The following SUSD4 variants were observed in gnomAD, a reference collection of about 807,000 sequenced individuals.
The protein encoded by SUSD4 is sushi domain-containing protein 4.
In SUSD4, 41 loss-of-function variants were observed where a neutral mutation model predicts 50.5. The ratio of observed to expected loss-of-function variants is 0.81; its 90% confidence interval spans 0.63 to 1.05. The LOEUF is 1.05. SUSD4 is among the 50% of genes least tolerant of loss of function. The pLI is 0.00. For missense variants in SUSD4, 580 were observed against 634.7 expected (o/e 0.91, Z 0.93); for synonymous variants, 257 against 257.3 (o/e 1.00, Z 0.01).
At chr1:223,327,429 C>T (rs777538732) in intron 2 of SUSD4, among the ~76,000 whole-genome samples, 2 of 152,140 alleles carry the variant, frequency 1.3e-5, no homozygotes, top group Non-Finnish European at 2.9e-5. Flanking sequence ...CAGAATTCAC[C>T]ACTATAAAAC....
chr1:223,245,511 G>C (rs1019511636), intron 5 of SUSD4, among the ~76,000 whole-genome samples: 1 of 152,158 alleles, frequency 6.6e-6, no homozygotes, highest in African/African-American at 2.4e-5. Context: ...GCAGGAGACA[G>C]AGGGCTACAC....
chr1:223,294,690 T>C (rs1370229098), intron 2 of SUSD4, among the ~76,000 whole-genome samples: 1 of 152,218 alleles, frequency 6.6e-6, no homozygotes, highest in Non-Finnish European at 1.5e-5. Flanking sequence ...CTTGTACTTA[T>C]TAAGTAGGAG....
At chr1:223,359,772 G>A (rs1425907802) in intron 2 of SUSD4, among the ~76,000 whole-genome samples, 1 of 152,172 alleles carries the variant, frequency 6.6e-6, no homozygotes, top group Non-Finnish European at 1.5e-5. Flanking sequence ...GGGAGCCCAA[G>A]TAAGGGAAGA....
intron 2 of SUSD4, among the ~76,000 whole-genome samples, chr1:223,349,455 T>C (rs1323754861): frequency 2.6e-5 from 4 of 152,196 alleles, no homozygotes; most frequent in Non-Finnish European, 4.4e-5. Context: ...AGCAGTAGTT[T>C]GATTAGATTA....
intron 8 of SUSD4, among the ~76,000 whole-genome samples, chr1:223,222,818 C>A (rs1659215383): frequency 1.3e-5 from 2 of 152,216 alleles, no homozygotes; most frequent in Admixed American, 1.3e-4. Context: ...CTGCTGGGCC[C>A]TAGTGCGTGC....
rs1659721766 is a variant in SUSD4 at position 223,229,141 on chromosome 1, G to A, written c.916+56C>T. The A allele has an allele frequency of 1.3e-6, 2 of 1,511,436 alleles. No individual in the cohort carries two copies. The highest frequency in any genetic ancestry group is 1.4e-5 in the African/African-American group (1 of 73,226). The allele number at this position is 1,511,436 out of a possible 1,614,324, so 93.6% of individuals were successfully genotyped here. On this transcript the variant is annotated intron_variant, in intron 6 of 8. Coordinates refer to ENST00000366878, the MANE Select transcript of SUSD4 (RefSeq NM_017982.4). This position sits in a 1 kb window ranked among gnomAD's most constrained non-coding sequence, Gnocchi z 4.7. ...TTGGTACATAACCACCACCCACTAT[G>A]TGCAGATGGTCCAAGGAGGGTCCAT...
intron 4 of SUSD4, among the ~76,000 whole-genome samples, chr1:223,266,149 G>C (rs1662476476): frequency 6.6e-6 from 1 of 152,222 alleles, no homozygotes; most frequent in Admixed American, 6.5e-5. Context: ...ATGCGGCTCT[G>C]CAGACCAAGC....
At chr1:223,344,678 C>G (rs1667933758) in intron 2 of SUSD4, among the ~76,000 whole-genome samples, 1 of 152,118 alleles carries the variant, frequency 6.6e-6, no homozygotes, top group Admixed American at 6.5e-5. Flanking sequence ...AACTCTCCAC[C>G]ACTTCTCATG....
intron 2 of SUSD4, among the ~76,000 whole-genome samples, chr1:223,327,201 G>A (rs1666925294): frequency 6.6e-6 from 1 of 152,288 alleles, no homozygotes; most frequent in East Asian, 1.9e-4. Context: ...GGAGCTGGAG[G>A]CCATTATTCT....
chr1:223,227,479 T>C lies in SUSD4; in HGVS notation c.1061+115A>G, dbSNP rs977576163. On this transcript the variant is annotated intron_variant, in intron 7 of 8. Coordinates refer to ENST00000366878, the MANE Select transcript of SUSD4 (RefSeq NM_017982.4). This position sits in a 1 kb window ranked among gnomAD's most constrained non-coding sequence, Gnocchi z 4.5. ...ACATCCCAGAACATTGTTTTTGCTCTCCCCTGTTTCCCTTTAGAGCTTCAA... is the reference window on the plus strand; with the variant it reads ...ACATCCCAGAACATTGTTTTTGCTCCCCCCTGTTTCCCTTTAGAGCTTCAA... 1.5e-6 allele frequency: 2 copies of C among 1,360,638 alleles called. No individual in the cohort carries two copies. Among genetic ancestry groups the C allele is most frequent in the Non-Finnish European group, 2.0e-6 (2 of 1,004,720 alleles). 84.3% of individuals were successfully genotyped at this position (1,360,638 alleles called of 1,614,324 possible).
intron 2 of SUSD4, among the ~76,000 whole-genome samples, chr1:223,338,293 T>A (rs1572091913): frequency 6.6e-6 from 1 of 152,282 alleles, no homozygotes; most frequent in Non-Finnish European, 1.5e-5. Context: ...CTCAGCCGAA[T>A]TTCTGGGTCC....
At chr1:223,290,324 A>G (rs1351077330) in intron 3 of SUSD4, among the ~76,000 whole-genome samples, 2 of 152,330 alleles carry the variant, frequency 1.3e-5, no homozygotes, top group South Asian at 4.1e-4. Flanking sequence ...CCAGCCCCCT[A>G]TAAACCACAT....
chr1:223,243,165 C>T (rs1660699044), intron 5 of SUSD4, among the ~76,000 whole-genome samples: 1 of 152,106 alleles, frequency 6.6e-6, no homozygotes, highest in African/African-American at 2.4e-5. Flanking sequence ...AGCTCTGTGG[C>T]CATTCCCACA....
At chr1:223,223,687 G>A (rs1659296301) in intron 7 of SUSD4, 56 bp from the exon 8 acceptor site, 4 of 1,529,026 alleles carry the variant, frequency 2.6e-6, no homozygotes, top group South Asian at 1.3e-5. Context: ...TGGGGATGAG[G>A]CCACCCATAC....
intron 5 of SUSD4, among the ~76,000 whole-genome samples, chr1:223,253,527 G>A (rs1229549303): frequency 1.3e-5 from 2 of 152,094 alleles, no homozygotes; most frequent in African/African-American, 2.4e-5. Context: ...AAGGAAAGTG[G>A]AGATGGGGGT....
At chr1:223,360,278 C>G (rs1401412149) in intron 2 of SUSD4, 1 of 469,494 alleles carries the variant, frequency 2.1e-6, no homozygotes, top group Non-Finnish European at 4.4e-6. Flanking sequence ...CTCTGGGCAT[C>G]CCTCAAAGCC....
intron 5 of SUSD4, among the ~76,000 whole-genome samples, chr1:223,252,106 T>C (rs549285578): frequency 3.5e-5 from 5 of 144,602 alleles, no homozygotes; most frequent in African/African-American, 1.0e-4. Context: ...CATTAGGAGA[T>C]ATACCTAATG....
At chr1:223,263,965 T>C (rs1662301507) in intron 5 of SUSD4, 2 of 985,330 alleles carry the variant, frequency 2.0e-6, no homozygotes, top group South Asian at 4.7e-5. Context: ...TCTTCGGGCA[T>C]ACTTTCAAGA....
At chr1:223,324,546 C>G (rs1666765023) in intron 2 of SUSD4, among the ~76,000 whole-genome samples, 1 of 152,046 alleles carries the variant, frequency 6.6e-6, no homozygotes, top group South Asian at 2.1e-4. Flanking sequence ...GAACTTACCA[C>G]TCCTCCAAAG....
Sources: allele counts gnomAD v4.1 joint callset (sites outside exome capture counted in the v4.1 genomes callset), GRCh38; gene constraint gnomAD v4.1.1; non-coding constraint Gnocchi (gnomAD v3.1); transcripts MANE v1.5; gene names NCBI Gene and HGNC (gene_info 2026-07-23, HGNC 2026-07-21).